The following FAF1 variants were observed in gnomAD, a reference collection of about 807,000 sequenced individuals.
FAF1 encodes FAS-associated factor 1.
Under a neutral mutation model 92.5 loss-of-function variants are expected in FAF1, and 25 were observed. The observed-to-expected ratio is 0.27, with a 90% CI of 0.20 to 0.38. FAF1 has a LOEUF of 0.38. FAF1 is among the 10% of genes least tolerant of loss of function. The pLI is 1.00. For missense variants in FAF1, 636 were observed against 793.3 expected (o/e 0.80, Z 2.38); for synonymous variants, 234 against 273.2 (o/e 0.86, Z 1.42).
intron 12 of FAF1, among the ~76,000 whole-genome samples, chr1:50,572,649 T>C (rs964169517): frequency 2.6e-5 from 4 of 152,226 alleles, no homozygotes; most frequent in African/African-American, 9.6e-5. Context: ...TGCTTTGCCA[T>C]TGCCCTGCTA....
intron 1 of FAF1, among the ~76,000 whole-genome samples, chr1:50,950,088 C>G (rs994867732): frequency 6.6e-6 from 1 of 152,112 alleles, no homozygotes; most frequent in Non-Finnish European, 1.5e-5. Flanking sequence ...TGATCCCGTG[C>G]CTCTTCTTCT....
At chr1:50,727,027 T>C (rs1277171630) in intron 6 of FAF1, among the ~76,000 whole-genome samples, 1 of 152,256 alleles carries the variant, frequency 6.6e-6, no homozygotes, top group Non-Finnish European at 1.5e-5. Context: ...TATTTATACA[T>C]GGCCTTAGGG....
At chr1:50,793,104 C>T (rs1307446848) in intron 3 of FAF1, among the ~76,000 whole-genome samples, 1 of 151,948 alleles carries the variant, frequency 6.6e-6, no homozygotes, top group African/African-American at 2.4e-5. Flanking sequence ...CAGTAGAAAC[C>T]CCAGACTTGG....
intron 15 of FAF1, among the ~76,000 whole-genome samples, chr1:50,529,280 G>T (rs1437051559): frequency 2.0e-5 from 3 of 152,112 alleles, no homozygotes; most frequent in African/African-American, 7.2e-5. Flanking sequence ...CTTAAGCAAG[G>T]AAAAATGAAT....
chr1:50,548,387 T>A (rs1557990591), intron 13 of FAF1, among the ~76,000 whole-genome samples: 1 of 152,320 alleles, frequency 6.6e-6, no homozygotes, highest in Admixed American at 6.5e-5. Context: ...GGACAGCTAG[T>A]AGAAGAACCA....
At chr1:50,584,845 G>A (rs748750319) in intron 9 of FAF1, 34 bp from the exon 10 acceptor site, 3 of 1,600,482 alleles carry the variant, frequency 1.9e-6, no homozygotes, top group Non-Finnish European at 2.6e-6. Flanking sequence ...GTTTCATATT[G>A]ATTTTGGCCT....
intron 2 of FAF1, among the ~76,000 whole-genome samples, chr1:50,853,616 T>C (rs1382619566): frequency 6.6e-6 from 1 of 152,074 alleles, no homozygotes; most frequent in African/African-American, 2.4e-5. Context: ...TAAAACGTAG[T>C]ATGGCTAGGT....
At chr1:50,768,428 A>G (rs1225086622) in intron 4 of FAF1, among the ~76,000 whole-genome samples, 2 of 152,152 alleles carry the variant, frequency 1.3e-5, no homozygotes, top group African/African-American at 4.8e-5. Flanking sequence ...ATATTAGACC[A>G]AAAGAACCTG....
chr1:50,454,279 C>T (rs1007365330), intron 18 of FAF1, among the ~76,000 whole-genome samples: 13 of 152,182 alleles, frequency 8.5e-5, no homozygotes, highest in Non-Finnish European at 1.8e-4. Flanking sequence ...ATGTCTTGTG[C>T]TTTTCCTCCC....
At chr1:50,692,440 C>A (rs1237621286) in intron 7 of FAF1, among the ~76,000 whole-genome samples, 1 of 152,118 alleles carries the variant, frequency 6.6e-6, no homozygotes, top group Non-Finnish European at 1.5e-5. Context: ...TCTCCGCTTT[C>A]CTCATTCCTA....
At chr1:50,663,600 T>C (rs938801169) in intron 7 of FAF1, among the ~76,000 whole-genome samples, 1 of 151,336 alleles carries the variant, frequency 6.6e-6, no homozygotes, top group Non-Finnish European at 1.5e-5. Context: ...AGACAGGGTT[T>C]CACCGTATTG....
intron 1 of FAF1, among the ~76,000 whole-genome samples, chr1:50,888,381 T>C (rs1020006936): frequency 6.6e-6 from 1 of 152,212 alleles, no homozygotes; most frequent in Non-Finnish European, 1.5e-5. Context: ...TTCTCCTGCC[T>C]GATTGCCCTG....
chr1:50,740,388 T>C (rs1557503459), intron 5 of FAF1, among the ~76,000 whole-genome samples: 2 of 152,086 alleles, frequency 1.3e-5, no homozygotes, highest in African/African-American at 2.4e-5. Flanking sequence ...GGGGCAATCT[T>C]ACACAAGCAT....
intron 6 of FAF1, among the ~76,000 whole-genome samples, chr1:50,713,846 T>C (rs1296356475): frequency 6.6e-6 from 1 of 151,050 alleles, no homozygotes; most frequent in Admixed American, 6.6e-5. Flanking sequence ...TGATCTCGGT[T>C]CACTGTAACC....
chr1:50,489,470 G>C (rs1156743220), intron 17 of FAF1, among the ~76,000 whole-genome samples: 1 of 152,160 alleles, frequency 6.6e-6, no homozygotes, highest in East Asian at 1.9e-4. Context: ...AGCCAGCCTA[G>C]GAAGTCATTT....
chr1:50,472,242 A>G (rs974164583), intron 18 of FAF1, among the ~76,000 whole-genome samples: 1 of 152,068 alleles, frequency 6.6e-6, no homozygotes, highest in African/African-American at 2.4e-5. Flanking sequence ...TTTCCAAGGC[A>G]ATGCCCAAGT....
At position 50,442,022 on chromosome 1, in the gene FAF1, T is replaced by C. The variant is rs1646173806; in HGVS notation, c.1870-499A>G. Among the ~76,000 whole-genome samples the C allele has an allele frequency of 2.6e-5, 4 of 151,934 alleles. No homozygotes were observed. The South Asian group carries it at 6.2e-4, about 24-fold the overall frequency. ...TGAGGGGAGGCATATCATACCCTTG[T>C]TGATGGTATATTTAGTTTGGAAAAA... On this transcript the variant is annotated intron_variant, in intron 18 of 18. Transcript: ENST00000396153.
At chr1:50,742,305 A>G (rs566188214) in intron 5 of FAF1, among the ~76,000 whole-genome samples, 1 of 151,160 alleles carries the variant, frequency 6.6e-6, no homozygotes, top group East Asian at 2.0e-4. Flanking sequence ...CAGGGTGAGA[A>G]CTCATCTCAT....
chr1:50,563,586 T>C (rs965641743), intron 13 of FAF1, among the ~76,000 whole-genome samples: 19 of 152,216 alleles, frequency 1.2e-4, no homozygotes, highest in African/African-American at 3.9e-4. Flanking sequence ...ATATGCAATA[T>C]TGAAATTATA....
Sources: gnomAD v4.1 joint callset for allele counts (sites outside exome capture counted in the v4.1 genomes callset) on GRCh38, gnomAD v4.1.1 for gene constraint, MANE v1.5 for transcripts, NCBI Gene and HGNC (gene_info 2026-07-23, HGNC 2026-07-21) for gene names.